Variants in ACVR1B observed in about 807,000 individuals in gnomAD.
ACVR1B encodes the protein activin receptor type-1B.
A neutral mutation model predicts 55.6 loss-of-function variants in ACVR1B; 15 were observed. The ratio of observed to expected loss-of-function variants is 0.27; its 90% CI spans 0.18 to 0.42. ACVR1B has a LOEUF of 0.42. ACVR1B is among the 10% of genes least tolerant of loss of function. The pLI is 1.00. For synonymous variants in ACVR1B, 247 were observed against 254.6 expected, an observed-to-expected ratio of 0.97 and a Z score of 0.28; for missense variants, 359 against 670.1, an observed-to-expected ratio of 0.54 and a Z score of 5.13.
In ACVR1B at chr12:51,956,542, C is replaced by A. The variant is rs192189926; in HGVS notation, c.91+4708C>A. Among the ~76,000 whole-genome samples, 5 of 152,290 alleles carry A rather than the reference C, an allele frequency of 3.3e-5. No homozygotes were observed. In the East Asian group the frequency reaches 9.7e-4, roughly 29 times the overall value. On this transcript the variant is annotated intron_variant, in intron 1 of 8. Transcript: ENST00000257963. ...AAACAGGATGCTGTGCCATAGTGTG[C>A]CTGGAGCTGCCACTTCACCTCTCTA...
Position 51,951,770 on chromosome 12 carries a change from C to T in ACVR1B, c.27C>T (p.Ser9=), listed in dbSNP as rs762262503. ...TGGCGGAGTCGGCCGGAGCCTCCTC[C>T]TTCTTCCCCCTTGTTGTCCTCCTGC... MAESAGAS[S]FFPLVVLLLA... The change falls in exon 1 of 9, where the codon TCC becomes TCT. Residue 9 remains serine, a synonymous_variant. Coordinates refer to ENST00000257963, the MANE Select transcript of ACVR1B (RefSeq NM_004302.5). The T allele has an allele frequency of 4.2e-5, 54 of 1,293,032 alleles. No homozygotes were observed. The highest frequency in any genetic ancestry group is 1.5e-4 in the African/African-American group (10 of 65,668). The allele number at this position is 1,293,032 out of a possible 1,614,324, so 80.1% of individuals were successfully genotyped here.
intron 7 of ACVR1B, chr12:51,987,341 A>G (rs1473561482): frequency 1.9e-6 from 1 of 515,474 alleles, no homozygotes; most frequent in Non-Finnish European, 3.4e-6. Context: ...CTGCTGTTTC[A>G]TTGTTAAAAT....
At chr12:51,953,653 TA>T (rs1941355481) in intron 1 of ACVR1B, among the ~76,000 whole-genome samples, 1 of 151,974 alleles carries the variant, frequency 6.6e-6, no homozygotes, top group Admixed American at 6.6e-5. Context: ...TGTGTATGTA[TA>T]AATCTTTAAA....
intron 7 of ACVR1B, chr12:51,987,149 T>C (rs1565621714): frequency 9.4e-6 from 7 of 740,948 alleles, no homozygotes; most frequent in Non-Finnish European, 1.7e-5. Context: ...TGAATAGCGT[T>C]GTGTGTTATG....
At chr12:51,954,903 C>CT (rs1170349404) in intron 1 of ACVR1B, among the ~76,000 whole-genome samples, 1 of 152,196 alleles carries the variant, frequency 6.6e-6, no homozygotes, top group Non-Finnish European at 1.5e-5. Context: ...AAAACATACT[C>CT]TGTGATTGAT....
intron 1 of ACVR1B, among the ~76,000 whole-genome samples, chr12:51,952,495 TGCCCCGTGGAG>T (rs1296149265): frequency 6.6e-6 from 1 of 152,182 alleles, no homozygotes; most frequent in Non-Finnish European, 1.5e-5. Flanking sequence ...CCGGCACTCA[TGCCCCGTGGAG>T]GCTATTTGGA....
chr12:51,986,089 A>G (rs1476441923), intron 6 of ACVR1B, among the ~76,000 whole-genome samples: 2 of 152,194 alleles, frequency 1.3e-5, no homozygotes, highest in Non-Finnish European at 2.9e-5. Context: ...TAAGATAACA[A>G]AAGCAGTTCG....
At chr12:51,982,084 A>G (rs1434580371) in intron 4 of ACVR1B, among the ~76,000 whole-genome samples, 1 of 152,182 alleles carries the variant, frequency 6.6e-6, no homozygotes, top group African/African-American at 2.4e-5. Flanking sequence ...TTGACTAGCA[A>G]AGGATGACGA....
At chr12:51,968,332 A>G in intron 1 of ACVR1B, among the ~76,000 whole-genome samples, 1 of 152,222 alleles carries the variant, frequency 6.6e-6, no homozygotes, top group East Asian at 1.9e-4. Context: ...GATGTTAGAT[A>G]CCTCTTGAGG....
Position 51,953,639 on chromosome 12 carries a change from T to C in ACVR1B, c.91+1805T>C, listed in dbSNP as rs562134421. On this transcript the variant is annotated intron_variant, in intron 1 of 8. Transcript: ENST00000257963. ...GATTGAACCTCTAGGTTTGTCATTT[T>C]ATGTGTGTATGTATAAATCTTTAAA... The C allele has an allele frequency of 1.2e-4, 71 of 613,068 alleles. No individual in the cohort carries two copies. The South Asian group carries it at 4.4e-3, about 38-fold the overall frequency. The allele number at this position is 613,068 out of a possible 1,614,324, so 38.0% of individuals were successfully genotyped here. A position where few individuals can be genotyped will look rare whatever the true frequency, so the allele number is the denominator to read the frequency against.
At chr12:51,952,956 G>A (rs181217899) in intron 1 of ACVR1B, among the ~76,000 whole-genome samples, 19 of 152,162 alleles carry the variant, frequency 1.2e-4, no homozygotes, top group Admixed American at 1.0e-3. Context: ...AGGCTTTGGG[G>A]GCTGAGAAGA....
intron 1 of ACVR1B, among the ~76,000 whole-genome samples, chr12:51,954,297 T>C (rs991053958): frequency 7.9e-5 from 12 of 152,306 alleles, no homozygotes; most frequent in African/African-American, 2.9e-4. Context: ...AGAAATAGCA[T>C]CCGTTTGATA....
chr12:51,973,823 C>T (rs1941793307), intron 1 of ACVR1B, among the ~76,000 whole-genome samples: 1 of 152,218 alleles, frequency 6.6e-6, no homozygotes. Context: ...ACTGTCTACA[C>T]TGTCTATCCA....
chr12:51,993,859 C>CCGGGTGGA, intron 8 of ACVR1B, 126 bp from the exon 9 acceptor site: 1 of 1,143,302 alleles, frequency 8.7e-7, no homozygotes, highest in East Asian at 3.5e-5. Flanking sequence ...AGGTCGGCCG[C>CCGGGTGGA]CGGGTGGATG....
At chr12:51,989,087 C>G (rs1242074702) in intron 7 of ACVR1B, among the ~76,000 whole-genome samples, 1 of 152,142 alleles carries the variant, frequency 6.6e-6, no homozygotes, top group Non-Finnish European at 1.5e-5. Flanking sequence ...GAAGCCCTAT[C>G]TCTATTAAAA....
intron 8 of ACVR1B, 117 bp from the exon 9 acceptor site, chr12:51,993,868 T>G: frequency 8.2e-7 from 1 of 1,219,116 alleles, no homozygotes; most frequent in Non-Finnish European, 1.1e-6. Context: ...GCCGGGTGGA[T>G]GTGGATCTGC....
intron 1 of ACVR1B, among the ~76,000 whole-genome samples, chr12:51,958,314 G>T (rs1941450574): frequency 2.0e-5 from 3 of 152,172 alleles, no homozygotes; most frequent in Non-Finnish European, 4.4e-5. Context: ...ATCAGGGACT[G>T]GTTTCGTGGA....
intron 1 of ACVR1B, among the ~76,000 whole-genome samples, chr12:51,955,849 A>G (rs1941398219): frequency 6.6e-6 from 1 of 152,222 alleles, no homozygotes; most frequent in Non-Finnish European, 1.5e-5. Context: ...TGGACTGGGA[A>G]TGCGGGAACC....
At chr12:51,967,006 C>T (rs576278248) in intron 1 of ACVR1B, among the ~76,000 whole-genome samples, 3 of 152,026 alleles carry the variant, frequency 2.0e-5, no homozygotes, top group South Asian at 2.1e-4. Flanking sequence ...TTTGGGAGGC[C>T]GAGACGGGTG....
Sources: allele counts gnomAD v4.1 joint callset (sites outside exome capture counted in the v4.1 genomes callset), GRCh38; gene constraint gnomAD v4.1.1; transcripts MANE v1.5; gene names NCBI Gene and HGNC (gene_info 2026-07-23, HGNC 2026-07-21).